The following FAM135B variants were observed in gnomAD, a reference collection of about 807,000 sequenced individuals.
FAM135B encodes the protein family with sequence similarity 135 member B.
In FAM135B, 43 loss-of-function variants were observed where a neutral mutation model predicts 127.7. The observed-to-expected ratio is 0.34, with a 90% CI of 0.26 to 0.43. The LOEUF is 0.43. Among genes scored for constraint, FAM135B ranks in the 20% least tolerant of loss-of-function variants. The probability of loss-of-function intolerance (pLI) is 1.00; values close to 1 mark genes in which losing one functional copy is unlikely to be tolerated. For synonymous variants in FAM135B, 670 were observed against 665.1 expected (o/e 1.01, Z -0.11); for missense variants, 1,558 against 1,725.6 (o/e 0.90, Z 1.72).
intron 3 of FAM135B, among the ~76,000 whole-genome samples, chr8:138,289,501 G>A (rs556310559): frequency 6.6e-6 from 1 of 152,250 alleles, no homozygotes; most frequent in Non-Finnish European, 1.5e-5. Flanking sequence ...TTTCTCAGAA[G>A]TGGTTCCAGC....
At chr8:138,191,756 AT>A (rs749131155) in intron 9 of FAM135B, among the ~76,000 whole-genome samples, 9 of 152,370 alleles carry the variant, frequency 5.9e-5, no homozygotes, top group Non-Finnish European at 1.3e-4. Context: ...GAACCTGGAC[AT>A]TTAACCATAT....
chr8:138,491,362 A>G (rs1815192457), intron 1 of FAM135B, among the ~76,000 whole-genome samples: 1 of 152,164 alleles, frequency 6.6e-6, no homozygotes, highest in African/African-American at 2.4e-5. Context: ...CCCCTCTAAC[A>G]ATAAATCTAT....
At chr8:138,354,120 C>G (rs563465540) in intron 2 of FAM135B, among the ~76,000 whole-genome samples, 2 of 152,022 alleles carry the variant, frequency 1.3e-5, no homozygotes, top group African/African-American at 4.8e-5. Context: ...TTTCTCCCCA[C>G]GCCAGCTGTC....
chr8:138,217,946 T>G lies in FAM135B; in HGVS notation c.670-20277A>C, dbSNP rs181100866. Reference sequence around the variant, plus strand: ...GGATTCTTTTAGGCCATCTCATAAATGTAAGGAATTCTTATTTCTGTATCA... The same window carrying G: ...GGATTCTTTTAGGCCATCTCATAAAGGTAAGGAATTCTTATTTCTGTATCA... On this transcript the variant is annotated intron_variant, in intron 7 of 19. Coordinates refer to ENST00000395297, the MANE Select transcript of FAM135B (RefSeq NM_015912.4). Among the ~76,000 whole-genome samples, 172 of 152,342 alleles carry G rather than the reference T, an allele frequency of 1.1e-3. 1 individual carries two copies. Among genetic ancestry groups the G allele is most frequent in the African/African-American group, 4.0e-3 (166 of 41,572 alleles).
chr8:138,299,570 C>T (rs1044470939), intron 3 of FAM135B, among the ~76,000 whole-genome samples: 1 of 150,784 alleles, frequency 6.6e-6, no homozygotes, highest in African/African-American at 2.4e-5. Flanking sequence ...TGCATGTATA[C>T]ATACACATAC....
intron 12 of FAM135B, among the ~76,000 whole-genome samples, chr8:138,156,889 C>T (rs566695052): frequency 1.0e-3 from 157 of 152,276 alleles, no homozygotes; most frequent in African/African-American, 3.6e-3. Flanking sequence ...TGGTACCATT[C>T]CTTCTGAAAC....
At position 138,242,891 on chromosome 8, in the gene FAM135B, T is replaced by A. The variant is rs372085022; in HGVS notation, c.669+51A>T. ...CATGAATCTCATAGAACATACACTC[T>A]GCAAAGTAAAGTTTGAAAGTTTTGA... On this transcript the variant is annotated intron_variant, in intron 7 of 19. Coordinates refer to ENST00000395297, the MANE Select transcript of FAM135B (RefSeq NM_015912.4). The surrounding 1 kb of genome is among the most constrained non-coding windows in gnomAD (Gnocchi z 9.6). 1.9e-6 allele frequency: 3 copies of A among 1,582,530 alleles called. No individual in the cohort carries two copies. In the Admixed American group the frequency reaches 5.6e-5, roughly 29 times the overall value.
intron 1 of FAM135B, among the ~76,000 whole-genome samples, chr8:138,418,710 G>T (rs1245062852): frequency 6.6e-6 from 1 of 152,048 alleles, no homozygotes; most frequent in Non-Finnish European, 1.5e-5. Context: ...CTTCGTAAAT[G>T]AAGGATAAAT....
chr8:138,257,018 C>G (rs979625287), intron 4 of FAM135B, among the ~76,000 whole-genome samples: 8 of 152,118 alleles, frequency 5.3e-5, no homozygotes, highest in African/African-American at 1.9e-4. Flanking sequence ...AAATGCTAAA[C>G]AAGTTTCCTT....
chr8:138,186,566 G>T (rs529654353), intron 9 of FAM135B, among the ~76,000 whole-genome samples: 1 of 151,996 alleles, frequency 6.6e-6, no homozygotes, highest in East Asian at 1.9e-4. Context: ...TGCAATGACC[G>T]GCCAATTCTT....
rs2130660533 is a variant in FAM135B at position 138,146,063 on chromosome 8, G to A, written c.3449-13C>T. 1 of 1,459,856 alleles carries A rather than the reference G, an allele frequency of 6.8e-7. No homozygotes were observed. The highest frequency in any genetic ancestry group is 2.3e-5 in the East Asian group (1 of 44,102). 90.4% of individuals were successfully genotyped at this position (1,459,856 alleles called of 1,614,324 possible). A position where few individuals can be genotyped will look rare whatever the true frequency, so the allele number is the denominator to read the frequency against. On this transcript the variant is annotated splice_polypyrimidine_tract_variant and intron_variant, in intron 14 of 19. Coordinates refer to ENST00000395297, the MANE Select transcript of FAM135B (RefSeq NM_015912.4). ...TCTGCACTGTTCCCTAAAAATGACA[G>A]ATAACCCCCATCCCAGTCCCGTAGT...
At chr8:138,344,340 G>A (rs183330950) in intron 2 of FAM135B, among the ~76,000 whole-genome samples, 3 of 152,262 alleles carry the variant, frequency 2.0e-5, no homozygotes, top group East Asian at 1.9e-4. Context: ...ACAGCCCATC[G>A]TAACCCGGCG....
At chr8:138,471,833 G>A (rs1056150579) in intron 1 of FAM135B, among the ~76,000 whole-genome samples, 4 of 152,010 alleles carry the variant, frequency 2.6e-5, no homozygotes, top group Admixed American at 1.3e-4. Context: ...TAGAGATAAC[G>A]TACACCACAA....
At chr8:138,297,774 C>T (rs1825577126) in intron 3 of FAM135B, among the ~76,000 whole-genome samples, 1 of 152,198 alleles carries the variant, frequency 6.6e-6, no homozygotes. Flanking sequence ...AGAAGGAAGA[C>T]AGCTCTGATG....
At chr8:138,382,763 C>T (rs528635884) in intron 1 of FAM135B, among the ~76,000 whole-genome samples, 1 of 152,138 alleles carries the variant, frequency 6.6e-6, no homozygotes, top group African/African-American at 2.4e-5. Flanking sequence ...CAATGAATTG[C>T]AATTTAGAAA....
At chr8:138,408,682 G>A (rs1833675534) in intron 1 of FAM135B, among the ~76,000 whole-genome samples, 5 of 152,098 alleles carry the variant, frequency 3.3e-5, no homozygotes, top group Admixed American at 1.3e-4. Context: ...AGCAAAGCAC[G>A]GCTTACATGG....
At chr8:138,254,502 T>C (rs1444330125) in intron 5 of FAM135B, among the ~76,000 whole-genome samples, 1 of 152,124 alleles carries the variant, frequency 6.6e-6, no homozygotes, top group African/African-American at 2.4e-5. Flanking sequence ...ATGGAGGCGT[T>C]AATGACAGAA....
Position 138,197,115 on chromosome 8 carries a change from GTGTATATA to G in FAM135B, c.823+393_823+400del, listed in dbSNP as rs1389452246. Among the ~76,000 whole-genome samples, 80 of 32,794 alleles carry G rather than the reference GTGTATATA, an allele frequency of 2.4e-3. No homozygotes were observed. In the East Asian group the frequency reaches 0.069, roughly 28 times the overall value. 21.5% of individuals were successfully genotyped at this position (32,794 alleles called of 152,430 possible). A position where few individuals can be genotyped will look rare whatever the true frequency, so the allele number is the denominator to read the frequency against. ...TGTGTGTGTGTGTGTGTGTGTGTGT[GTGTATATA>G]TATAGTTTTTATGAGGATTGTTTTA... On this transcript the variant is annotated intron_variant, in intron 8 of 19. Coordinates refer to ENST00000395297, the MANE Select transcript of FAM135B (RefSeq NM_015912.4).
chr8:138,205,237 T>C (rs778742846), intron 7 of FAM135B, among the ~76,000 whole-genome samples: 19 of 152,218 alleles, frequency 1.2e-4, no homozygotes, highest in Middle Eastern at 3.4e-3. Flanking sequence ...TTTTGGAGAG[T>C]GGAAAACTGA....
Sources: allele counts gnomAD v4.1 joint callset (sites outside exome capture counted in the v4.1 genomes callset), GRCh38; gene constraint gnomAD v4.1.1; non-coding constraint Gnocchi (gnomAD v3.1); transcripts MANE v1.5; gene names NCBI Gene and HGNC (gene_info 2026-07-23, HGNC 2026-07-21).